ATP8B1: variants seen among roughly 807,000 people sequenced by gnomAD.
ATP8B1 encodes the protein ATPase phospholipid transporting 8B1.
In ATP8B1, 80 loss-of-function variants were observed where a neutral mutation model predicts 149.9. That is an observed-to-expected ratio of 0.53 (90% CI 0.45 to 0.64). The LOEUF (loss-of-function observed/expected upper bound fraction) is 0.64. Ranked by LOEUF, ATP8B1 falls within the 30% of genes least tolerant of loss-of-function variation. The pLI, the probability that ATP8B1 is intolerant of heterozygous loss-of-function variation, is 0.00. For synonymous variants in ATP8B1, 536 were observed against 562.8 expected (o/e 0.95, Z 0.67); for missense variants, 1,247 against 1,552.6 (o/e 0.80, Z 3.31).
At chr18:57,705,452 C>T (rs1313243266) in intron 3 of ATP8B1, among the ~76,000 whole-genome samples, 4 of 152,166 alleles carry the variant, frequency 2.6e-5, no homozygotes, top group Admixed American at 1.3e-4. Flanking sequence ...ATAGGATCTT[C>T]GCAGAGATAA....
At chr18:57,658,843 A>G (rs916975445) in intron 22 of ATP8B1, among the ~76,000 whole-genome samples, 1 of 152,086 alleles carries the variant, frequency 6.6e-6, no homozygotes, top group Admixed American at 6.6e-5. Flanking sequence ...CTTTCTGTAT[A>G]TTGTTATTGA....
chr18:57,756,218 C>T (rs368886211), intron 1 of ATP8B1, among the ~76,000 whole-genome samples: 14,759 of 104,658 alleles, frequency 0.14, 1,417 homozygotes, highest in African/African-American at 0.22. Context: ...TATACACACA[C>T]ACACACACAC....
chr18:57,701,359 A>C, intron 4 of ATP8B1, 46 bp from the exon 5 acceptor site: 4 of 1,529,398 alleles, frequency 2.6e-6, no homozygotes, highest in Non-Finnish European at 3.6e-6. Context: ...AAGGCATATC[A>C]AGCTTACAGG....
intron 1 of ATP8B1, among the ~76,000 whole-genome samples, chr18:57,798,574 T>G (rs2080541426): frequency 6.6e-6 from 1 of 152,100 alleles, no homozygotes; most frequent in South Asian, 2.1e-4. Flanking sequence ...CCAGCCTGGG[T>G]GACAGAGCAA....
rs148373330 is a variant in ATP8B1 at position 57,680,509 on chromosome 18, G to A, written c.1630+3527C>T. ...TGAGGCAGGAGAATTGATTAAACCC[G>A]GGAGACGGAGGTTGCAGTGAGCCGA... On this transcript the variant is annotated intron_variant, in intron 15 of 27. Transcript: ENST00000648908. Among the ~76,000 whole-genome samples, 994 of 151,320 alleles carry A rather than the reference G, an allele frequency of 6.6e-3. 8 individuals carry two copies. The highest frequency in any genetic ancestry group is 0.021 in the African/African-American group (885 of 41,182).
chr18:57,695,138 G>C (rs780296940), intron 10 of ATP8B1, 33 bp downstream of exon 10: 1 of 1,602,976 alleles, frequency 6.2e-7, no homozygotes, highest in Non-Finnish European at 8.5e-7. Flanking sequence ...AAAGATCATA[G>C]CTGATTAATT....
chr18:57,655,469 A>G, intron 22 of ATP8B1, 52 bp from the exon 23 acceptor site: 1 of 1,508,378 alleles, frequency 6.6e-7, no homozygotes, highest in Non-Finnish European at 9.2e-7. Flanking sequence ...TTGTGAGGCA[A>G]AACATCAGTT....
rs564696357 is a variant in ATP8B1, at chr18:57,769,950, C to A, written c.-26+33048G>T. Among the ~76,000 whole-genome samples the A allele has an allele frequency of 1.0e-3, 159 of 152,266 alleles. 1 individual carries two copies. Among genetic ancestry groups the A allele is most frequent in the African/African-American group, 3.8e-3 (156 of 41,552 alleles). On this transcript the variant is annotated intron_variant, in intron 1 of 27. Coordinates refer to ENST00000648908, the MANE Select transcript of ATP8B1 (RefSeq NM_001374385.1). ...GTTATTCCCCTTGTATAAATGAAGACACTGAGGTCAAGAAACTTGTCCATG... is the reference window on the plus strand; with the variant it reads ...GTTATTCCCCTTGTATAAATGAAGAAACTGAGGTCAAGAAACTTGTCCATG...
At chr18:57,700,785 G>T (rs1481125318) in intron 6 of ATP8B1, among the ~76,000 whole-genome samples, 1 of 152,142 alleles carries the variant, frequency 6.6e-6, no homozygotes, top group Non-Finnish European at 1.5e-5. Flanking sequence ...GAGCATGGTG[G>T]TGCACGCCTG....
chr18:57,759,616 T>C (rs573976274), intron 1 of ATP8B1, among the ~76,000 whole-genome samples: 59 of 151,932 alleles, frequency 3.9e-4, no homozygotes, highest in African/African-American at 1.3e-3. Context: ...GAGATCATCC[T>C]GGCTAACACA....
intron 15 of ATP8B1, among the ~76,000 whole-genome samples, chr18:57,681,826 G>A (rs767288824): frequency 2.6e-5 from 4 of 151,878 alleles, no homozygotes; most frequent in Non-Finnish European, 4.4e-5. Context: ...ACTTGAAGGT[G>A]TAGTCCCCAA....
intron 20 of ATP8B1, among the ~76,000 whole-genome samples, chr18:57,664,501 G>GAAAA (rs532262308): frequency 1.5e-4 from 15 of 99,474 alleles, no homozygotes; most frequent in South Asian, 3.3e-4. Context: ...GTCTTTCTAA[G>GAAAA]AAAAAAAAAA....
chr18:57,652,378 G>A (rs965126957), intron 25 of ATP8B1, 106 bp downstream of exon 25: 1 of 1,517,348 alleles, frequency 6.6e-7, no homozygotes, highest in African/African-American at 1.4e-5. Flanking sequence ...TATTTTGTAA[G>A]TGGCACAGGT....
chr18:57,666,772 G>T (rs545056784), intron 20 of ATP8B1, among the ~76,000 whole-genome samples: 2 of 152,228 alleles, frequency 1.3e-5, no homozygotes, highest in South Asian at 2.1e-4. Flanking sequence ...CTGACTTCAG[G>T]TGATCCACCC....
intron 4 of ATP8B1, 141 bp downstream of exon 4, chr18:57,704,414 A>G (rs1913283642): frequency 1.5e-6 from 1 of 665,722 alleles, no homozygotes; most frequent in Non-Finnish European, 2.7e-6. Context: ...GGTTCTGTGT[A>G]TGAGGCACTG....
intron 1 of ATP8B1, among the ~76,000 whole-genome samples, chr18:57,779,207 C>T (rs552113355): frequency 1.3e-5 from 2 of 151,990 alleles, no homozygotes; most frequent in East Asian, 1.9e-4. Flanking sequence ...CCCAGCTACT[C>T]GGGAGGCTGA....
intron 1 of ATP8B1, among the ~76,000 whole-genome samples, chr18:57,762,027 C>T (rs2123331897): frequency 6.6e-6 from 1 of 150,834 alleles, no homozygotes; most frequent in South Asian, 2.1e-4. Context: ...CCCACATATC[C>T]TTTCAGCCCC....
intron 10 of ATP8B1, 122 bp from the exon 11 acceptor site, chr18:57,694,792 G>T: frequency 1.3e-6 from 1 of 764,944 alleles, no homozygotes. Context: ...CAGTTTTGGA[G>T]GCTGAGTTGG....
At chr18:57,796,866 T>C (rs527779648) in intron 1 of ATP8B1, among the ~76,000 whole-genome samples, 1 of 152,282 alleles carries the variant, frequency 6.6e-6, no homozygotes, top group African/African-American at 2.4e-5. Flanking sequence ...TTGGCCAGGA[T>C]GGTCTCGATC....
Sources: gnomAD v4.1 joint callset for allele counts (sites outside exome capture counted in the v4.1 genomes callset) on GRCh38, gnomAD v4.1.1 for gene constraint, MANE v1.5 for transcripts, NCBI Gene and HGNC (gene_info 2026-07-23, HGNC 2026-07-21) for gene names.